ADRA1B: variants seen among roughly 807,000 people sequenced by gnomAD.
The protein encoded by ADRA1B is alpha-1B adrenergic receptor.
In ADRA1B, 17 loss-of-function variants were observed where a neutral mutation model predicts 17.9. That is an observed-to-expected ratio of 0.95 (90% CI 0.65 to 1.42). The LOEUF (loss-of-function observed/expected upper bound fraction) is 1.42, where lower values mean the gene tolerates loss of function less well. Ranked by LOEUF, ADRA1B falls within the 40% of genes most tolerant of loss-of-function variation. The pLI is 0.00. For synonymous variants in ADRA1B, 366 were observed against 327.6 expected (o/e 1.12, Z -1.27); for missense variants, 681 against 722.1 (o/e 0.94, Z 0.65).
intron 1 of ADRA1B, among the ~76,000 whole-genome samples, chr5:159,953,862 TG>T (rs1180025517): frequency 2.0e-5 from 3 of 151,286 alleles, no homozygotes; most frequent in Non-Finnish European, 2.9e-5. Flanking sequence ...AAATTGAGAA[TG>T]GAGCATTTAT....
the ADRA1B span, among the ~76,000 whole-genome samples, chr5:159,988,964 A>G: frequency 2.6e-5 from 4 of 152,334 alleles, no homozygotes; most frequent in African/African-American, 9.6e-5. Flanking sequence ...TAATGCTGCT[A>G]TGAGGATGGG....
At position 159,902,293 on chromosome 5, in the gene ADRA1B, A is replaced by C. The variant is rs373114398; in HGVS notation, c.-255-13826A>C. Among the ~76,000 whole-genome samples, 32 of 152,344 alleles carry C rather than the reference A, an allele frequency of 2.1e-4. No homozygotes were observed. The East Asian group carries it at 5.8e-3, about 28-fold the overall frequency. ...TTACATGAGATAAGTAGTTGAATTC[A>C]TAGAAACAGAGAGTAGAATGGGGCT... On this transcript the variant is annotated intron_variant, in intron 1 of 2. Coordinates refer to the ADRA1B transcript ENST00000641205.
chr5:159,909,895 T>C (rs554960400), intron 1 of ADRA1B, among the ~76,000 whole-genome samples: 41 of 152,248 alleles, frequency 2.7e-4, no homozygotes, highest in African/African-American at 9.9e-4. Flanking sequence ...TATAAGGAAT[T>C]CAGGAAAAGT....
At chr5:159,912,396 C>T (rs887255011), upstream of ADRA1B, among the ~76,000 whole-genome samples, 2 of 152,214 alleles carry the variant, frequency 1.3e-5, no homozygotes, top group African/African-American at 2.4e-5. Flanking sequence ...TCCAAGTTAG[C>T]TCTCAACTCC....
At chr5:159,928,083 G>C (rs1754710062) in intron 1 of ADRA1B, among the ~76,000 whole-genome samples, 1 of 152,148 alleles carries the variant, frequency 6.6e-6, no homozygotes, top group African/African-American at 2.4e-5. Context: ...TTAAATGAAG[G>C]AATGGATCAA....
chr5:159,977,836 C>G (rs936496548), downstream of ADRA1B, among the ~76,000 whole-genome samples: 1 of 152,088 alleles, frequency 6.6e-6, no homozygotes, highest in Admixed American at 6.5e-5. Context: ...ATGATAGGAG[C>G]AGGGGGAGCC....
At chr5:159,911,675 G>C (rs370648526), upstream of ADRA1B, among the ~76,000 whole-genome samples, 25 of 152,288 alleles carry the variant, frequency 1.6e-4, 1 homozygote, top group East Asian at 3.5e-3. Flanking sequence ...CCCAGAGGGA[G>C]CTGAAATTCC....
intron 1 of ADRA1B, among the ~76,000 whole-genome samples, chr5:159,877,674 A>G (rs1404530203): frequency 6.6e-6 from 1 of 152,100 alleles, no homozygotes. Context: ...CTTTGCACCC[A>G]TTATGTCTCT....
At chr5:159,879,982 C>T (rs751740855) in intron 1 of ADRA1B, among the ~76,000 whole-genome samples, 12 of 151,878 alleles carry the variant, frequency 7.9e-5, no homozygotes, top group East Asian at 1.9e-4. Flanking sequence ...AGATACAGAG[C>T]GAGACCCTGT....
At chr5:159,969,156 G>A (rs921342780) in intron 1 of ADRA1B, among the ~76,000 whole-genome samples, 1 of 152,054 alleles carries the variant, frequency 6.6e-6, no homozygotes, top group Admixed American at 6.6e-5. Context: ...GTCTCACCTC[G>A]ACCAAACCTA....
At chr5:159,978,696 T>TTTGG in the ADRA1B span, among the ~76,000 whole-genome samples, 1 of 152,200 alleles carries the variant, frequency 6.6e-6, no homozygotes, top group Non-Finnish European at 1.5e-5. Context: ...GACAAACAGC[T>TTTGG]TTGGCCCTTG....
intron 1 of ADRA1B, among the ~76,000 whole-genome samples, chr5:159,964,439 T>C (rs184417025): frequency 5.1e-4 from 78 of 152,346 alleles, no homozygotes; most frequent in Middle Eastern, 3.4e-3. Context: ...GTTTTATTTA[T>C]AGTAAATGAT....
At chr5:159,966,296 A>G (rs971749008) in intron 1 of ADRA1B, among the ~76,000 whole-genome samples, 1 of 152,254 alleles carries the variant, frequency 6.6e-6, no homozygotes, top group Non-Finnish European at 1.5e-5. Context: ...ACTGAGTGAC[A>G]GACACCTGGG....
intron 1 of ADRA1B, among the ~76,000 whole-genome samples, chr5:159,866,669 A>G (rs1753657692): frequency 6.6e-6 from 1 of 152,006 alleles, no homozygotes; most frequent in Non-Finnish European, 1.5e-5. Context: ...ACACATAAAA[A>G]CCATTATGTG....
chr5:159,984,138 C>T, the ADRA1B span, among the ~76,000 whole-genome samples: 2 of 152,202 alleles, frequency 1.3e-5, no homozygotes, highest in African/African-American at 4.8e-5. Context: ...TCTTCCCAAT[C>T]TCTAAATGTT....
rs539080864 is a variant in ADRA1B at position 159,882,606 on chromosome 5, T to C, written c.-256+17400T>C. On this transcript the variant is annotated intron_variant, in intron 1 of 2. Coordinates refer to the ADRA1B transcript ENST00000641205. ...CTGTCATAAGAGCTAACCATCTGTG[T>C]CTTCCACCTGCAGCAAAGCGTCAGG... is the stretch of plus-strand genomic sequence containing the variant. Among the ~76,000 whole-genome samples the C allele has an allele frequency of 4.6e-5, 7 of 152,280 alleles. No homozygotes were observed. The East Asian group carries it at 1.4e-3, about 29-fold the overall frequency.
In ADRA1B at chr5:159,972,257, C is replaced by T; in HGVS notation, c.1328C>T (p.Ala443Val). 1 of 1,357,844 alleles carries T rather than the reference C, an allele frequency of 7.4e-7. No homozygotes were observed. The allele number at this position is 1,357,844 out of a possible 1,614,324, so 84.1% of individuals were successfully genotyped here. A position where few individuals can be genotyped will look rare whatever the true frequency, so the allele number is the denominator to read the frequency against. ...GCGCCACCGCCAGTCGAGCTGTGCGCCTTCCCCGAGTGGAAGGCGCCCGGC... is the reference window on the plus strand; with the variant it reads ...GCGCCACCGCCAGTCGAGCTGTGCGTCTTCCCCGAGTGGAAGGCGCCCGGC... ...RGAPPPVELC[A>V]FPEWKAPGAL... Residue 443 changes from alanine to valine, a missense_variant, in exon 2 of 2, where the codon GCC becomes GTC. Ala to Val is a moderately conservative substitution (Grantham distance 64). Transcript: ENST00000306675.
intron 1 of ADRA1B, among the ~76,000 whole-genome samples, chr5:159,905,918 G>A (rs1754157385): frequency 6.6e-6 from 1 of 151,678 alleles, no homozygotes; most frequent in Non-Finnish European, 1.5e-5. Context: ...GTGCAGAGGT[G>A]CAATCTTGGC....
At chr5:159,866,572 G>C (rs1009084240) in intron 1 of ADRA1B, among the ~76,000 whole-genome samples, 1 of 149,178 alleles carries the variant, frequency 6.7e-6, no homozygotes, top group African/African-American at 2.5e-5. Flanking sequence ...GGGCAACAGA[G>C]TGAGACTCCA....
Sources: gnomAD v4.1 joint callset for allele counts (sites outside exome capture counted in the v4.1 genomes callset) on GRCh38, gnomAD v4.1.1 for gene constraint, MANE v1.5 for transcripts, NCBI Gene and HGNC (gene_info 2026-07-23, HGNC 2026-07-21) for gene names.